Variants in PRTFDC1 observed in about 807,000 individuals in gnomAD.
The protein encoded by PRTFDC1 is phosphoribosyltransferase domain-containing protein 1.
Under a neutral mutation model 34.6 loss-of-function variants are expected in PRTFDC1, and 38 were observed. That is an observed-to-expected ratio of 1.10 (90% confidence interval 0.85 to 1.44). PRTFDC1 has a LOEUF of 1.44. Ranked by LOEUF, PRTFDC1 falls within the 40% of genes most tolerant of loss-of-function variation. The probability of loss-of-function intolerance (pLI) is 0.00; values close to 1 mark genes in which losing one functional copy is unlikely to be tolerated. For synonymous variants in PRTFDC1, 93 were observed against 98.1 expected, an observed-to-expected ratio of 0.95 and a Z score of 0.31; for missense variants, 270 against 283.0, an observed-to-expected ratio of 0.95 and a Z score of 0.33.
At chr10:24,884,572 A>C (rs891673623) in intron 3 of PRTFDC1, among the ~76,000 whole-genome samples, 3 of 152,188 alleles carry the variant, frequency 2.0e-5, no homozygotes, top group Non-Finnish European at 4.4e-5. Context: ...CCAAAACACT[A>C]AGACATTTAT....
chr10:24,858,489 T>A (rs920410445), intron 4 of PRTFDC1, 80 bp from the exon 5 acceptor site: 2 of 1,453,656 alleles, frequency 1.4e-6, no homozygotes, highest in African/African-American at 2.8e-5. Context: ...TTGCTTATAG[T>A]TAGAATTTCA....
intron 1 of PRTFDC1, among the ~76,000 whole-genome samples, chr10:24,944,898 C>T (rs1849230015): frequency 1.3e-5 from 2 of 152,176 alleles, no homozygotes; most frequent in Non-Finnish European, 2.9e-5. Flanking sequence ...CACTGTGGCT[C>T]ACCAGGGATT....
chr10:24,892,464 T>C (rs1352753168), intron 3 of PRTFDC1, among the ~76,000 whole-genome samples: 1 of 151,708 alleles, frequency 6.6e-6, no homozygotes, highest in Non-Finnish European at 1.5e-5. Context: ...TGGTATCCCA[T>C]CTGGTTTTGA....
At chr10:24,867,289 T>C (rs1369769361) in intron 4 of PRTFDC1, among the ~76,000 whole-genome samples, 2 of 152,200 alleles carry the variant, frequency 1.3e-5, no homozygotes, top group Non-Finnish European at 2.9e-5. Flanking sequence ...CTCCTTTTGA[T>C]ACCACGATTC....
At chr10:24,911,666 G>A (rs1335032375) in intron 3 of PRTFDC1, among the ~76,000 whole-genome samples, 1 of 151,902 alleles carries the variant, frequency 6.6e-6, no homozygotes, top group Non-Finnish European at 1.5e-5. Flanking sequence ...AGGAGACTGA[G>A]ACCATCCTGG....
At chr10:24,896,561 T>C (rs1848368067) in intron 3 of PRTFDC1, among the ~76,000 whole-genome samples, 1 of 152,132 alleles carries the variant, frequency 6.6e-6, no homozygotes, top group African/African-American at 2.4e-5. Flanking sequence ...GCCATGCTAG[T>C]TTTAGTCTTT....
At chr10:24,872,748 A>G (rs1165194160) in intron 3 of PRTFDC1, among the ~76,000 whole-genome samples, 1 of 144,598 alleles carries the variant, frequency 6.9e-6, no homozygotes, top group African/African-American at 2.5e-5. Flanking sequence ...ATACAAATAT[A>G]TGTGCACACG....
At chr10:24,857,088 C>T (rs1847592073) in intron 5 of PRTFDC1, 93 bp from the exon 6 acceptor site, 19 of 1,080,940 alleles carry the variant, frequency 1.8e-5, no homozygotes, top group Non-Finnish European at 2.6e-5. Flanking sequence ...AATAATGCAT[C>T]GTAATTAAAA....
In PRTFDC1 at chr10:24,858,287, G is replaced by C. The variant is rs983932705; in HGVS notation, c.423+105C>G. 15 of 1,241,614 alleles carry C rather than the reference G, an allele frequency of 1.2e-5. No individual in the cohort carries two copies. The Admixed American group carries it at 2.5e-4, about 21-fold the overall frequency. The allele number at this position is 1,241,614 out of a possible 1,614,324, so 76.9% of individuals were successfully genotyped here. A position where few individuals can be genotyped will look rare whatever the true frequency, so the allele number is the denominator to read the frequency against. ...AAATTTGGAGAGCATGCACCCAGTG[G>C]GAGCTCAAGAAATCCTTGGTCAATT... On this transcript the variant is annotated intron_variant, in intron 5 of 8. Transcript: ENST00000320152.
intron 3 of PRTFDC1, among the ~76,000 whole-genome samples, chr10:24,936,137 G>A (rs929541639): frequency 6.6e-6 from 1 of 152,216 alleles, no homozygotes; most frequent in Admixed American, 6.5e-5. Flanking sequence ...TGTCAAGTTA[G>A]TTTAGTCAAC....
chr10:24,933,477 C>A (rs1185370387), intron 3 of PRTFDC1, among the ~76,000 whole-genome samples: 1 of 151,928 alleles, frequency 6.6e-6, no homozygotes, highest in Non-Finnish European at 1.5e-5. Context: ...GAATAGCAAA[C>A]CAGCAAATGT....
At chr10:24,946,486 T>C (rs968646310) in intron 1 of PRTFDC1, among the ~76,000 whole-genome samples, 1 of 151,936 alleles carries the variant, frequency 6.6e-6, no homozygotes, top group South Asian at 2.1e-4. Context: ...ACCTATAAAC[T>C]GTAATATGGA....
chr10:24,862,364 C>A (rs1847693615), intron 4 of PRTFDC1, among the ~76,000 whole-genome samples: 1 of 148,766 alleles, frequency 6.7e-6, no homozygotes, highest in African/African-American at 2.5e-5. Context: ...TATAGGCATA[C>A]CTTGTTTTTT....
intron 3 of PRTFDC1, among the ~76,000 whole-genome samples, chr10:24,929,933 G>T (rs1474570988): frequency 6.6e-6 from 1 of 152,106 alleles, no homozygotes; most frequent in Non-Finnish European, 1.5e-5. Flanking sequence ...TCTGATTGCA[G>T]TCCTAGCTGT....
chr10:24,852,041 T>G (rs1373279971), intron 7 of PRTFDC1, among the ~76,000 whole-genome samples: 1 of 151,992 alleles, frequency 6.6e-6, no homozygotes, highest in Non-Finnish European at 1.5e-5. Flanking sequence ...TTAATGCTGG[T>G]CTTTGGGTTC....
intron 3 of PRTFDC1, among the ~76,000 whole-genome samples, chr10:24,879,802 TATC>T (rs1304857201): frequency 6.6e-6 from 1 of 152,252 alleles, no homozygotes; most frequent in Non-Finnish European, 1.5e-5. Context: ...ACCAACCTAA[TATC>T]ATGTTAATGC....
intron 3 of PRTFDC1, among the ~76,000 whole-genome samples, chr10:24,911,745 T>C (rs1488534665): frequency 1.3e-5 from 2 of 151,960 alleles, no homozygotes; most frequent in African/African-American, 2.4e-5. Flanking sequence ...CACATGCTTG[T>C]GGTCCCAGCT....
At chr10:24,900,711 A>G (rs181046546) in intron 3 of PRTFDC1, among the ~76,000 whole-genome samples, 2 of 152,352 alleles carry the variant, frequency 1.3e-5, no homozygotes, top group East Asian at 3.9e-4. Flanking sequence ...AAATCTATAT[A>G]ATATTGTTTG....
intron 2 of PRTFDC1, among the ~76,000 whole-genome samples, chr10:24,937,909 A>C (rs1849081138): frequency 6.6e-6 from 1 of 152,066 alleles, no homozygotes; most frequent in African/African-American, 2.4e-5. Context: ...TGTACATCAG[A>C]ATATCTGGCA....
Sources: gnomAD v4.1 joint callset for allele counts (sites outside exome capture counted in the v4.1 genomes callset) on GRCh38, gnomAD v4.1.1 for gene constraint, MANE v1.5 for transcripts, NCBI Gene and HGNC (gene_info 2026-07-23, HGNC 2026-07-21) for gene names.